The following TSFM variants were observed in gnomAD, a reference collection of about 807,000 sequenced individuals.
The protein encoded by TSFM is Ts translation elongation factor, mitochondrial, also known as elongation factor Ts, mitochondrial.
In TSFM, 29 loss-of-function variants were observed where a neutral mutation model predicts 33.4. That is an observed-to-expected ratio of 0.87 (90% CI 0.65 to 1.18). The LOEUF (loss-of-function observed/expected upper bound fraction) is 1.18, where lower values mean the gene tolerates loss of function less well. TSFM is among the 50% of genes most tolerant of loss of function. TSFM has a pLI of 0.00. For missense variants in TSFM, 394 were observed against 395.6 expected (o/e 1.00, Z 0.04); for synonymous variants, 178 against 163.5 (o/e 1.09, Z -0.68).
chr12:57,793,375 A>G (rs1236209120), intron 5 of TSFM, among the ~76,000 whole-genome samples: 1 of 152,144 alleles, frequency 6.6e-6, no homozygotes, highest in Non-Finnish European at 1.5e-5. Flanking sequence ...GGCGCCTGCC[A>G]TCACGCCTGG....
chr12:57,788,401 C>T (rs920337132), intron 4 of TSFM, among the ~76,000 whole-genome samples: 1 of 151,822 alleles, frequency 6.6e-6, no homozygotes. Context: ...ATCAGACTCC[C>T]GAGTAGCTGG....
downstream of TSFM, chr12:57,800,120 C>G (rs747310519): frequency 4.2e-4 from 274 of 657,574 alleles, no homozygotes; most frequent in Non-Finnish European, 6.4e-4. Flanking sequence ...TGGGGTTGTT[C>G]TTGGGAAAGC....
At chr12:57,783,777 TA>T (rs1955549064) in intron 2 of TSFM, 6 of 589,776 alleles carry the variant, frequency 1.0e-5, no homozygotes, top group South Asian at 4.2e-5. Context: ...TTTTATTTTT[TA>T]TTTTTTTTTG....
At position 57,793,052 on chromosome 12, in the gene TSFM, GA is replaced by G. The variant is rs779144962; in HGVS notation, c.551del (p.Asp184ValfsTer5). ...GCCTGACAGAGAAGGCTCACTCAAG[GA>G]TCAGTTGGCTTTAGCAATTGGTGAG... ...AGPDREGSLKDQLALAIGKLG... is the reference protein window; with the variant it reads ...AGPDREGSLKXQLALAIGKLG... On this transcript the variant is annotated frameshift_variant, in exon 5 of 6. Coordinates refer to ENST00000652027, the MANE Select transcript of TSFM (RefSeq NM_005726.6). LOFTEE classifies it high-confidence loss of function. The G allele has an allele frequency of 3.1e-6, 5 of 1,613,580 alleles. No homozygotes were observed. Among genetic ancestry groups the G allele is most frequent in the Non-Finnish European group, 4.2e-6 (5 of 1,179,678 alleles).
At chr12:57,799,716 C>A (rs1275419062), downstream of TSFM, 2 of 1,595,212 alleles carry the variant, frequency 1.3e-6, no homozygotes, top group Non-Finnish European at 1.7e-6. Context: ...CCGGAGCTGT[C>A]CTAGGCCATT....
At chr12:57,791,960 G>A (rs891796048) in intron 4 of TSFM, 6 of 374,310 alleles carry the variant, frequency 1.6e-5, no homozygotes, top group African/African-American at 1.1e-4. Context: ...ATTGTTCTTG[G>A]CCAGGTGCAG....
intron 5 of TSFM, among the ~76,000 whole-genome samples, chr12:57,795,412 A>G (rs1955720847): frequency 6.6e-6 from 1 of 151,684 alleles, no homozygotes; most frequent in Admixed American, 6.6e-5. Flanking sequence ...TTTTACATAT[A>G]TTATTTATTT....
rs144109380 is a variant in TSFM, at chr12:57,787,087, G to A, written c.408G>A (p.Leu136=). ...DFVSRNLKFQ[L]LVQQVALGTM... ...TTTCTAGAAATTTAAAATTTCAACT[G>A]TTGGTCCAGCAAGTAGCCCTTGGAA... The change falls in exon 4 of 6, where the codon CTG becomes CTA. Residue 136 remains leucine (L), a synonymous_variant. Transcript: ENST00000652027. The A allele has an allele frequency of 3.2e-4, 520 of 1,612,392 alleles. No homozygotes were observed. The highest frequency in any genetic ancestry group is 3.9e-4 in the Non-Finnish European group (461 of 1,179,136).
downstream of TSFM, among the ~76,000 whole-genome samples, chr12:57,799,293 C>A (rs941045343): frequency 2.1e-4 from 32 of 152,312 alleles, no homozygotes; most frequent in African/African-American, 7.7e-4. Context: ...TTTTAAGGAA[C>A]AGCAAAGCAG....
At chr12:57,792,679 G>A (rs562451704) in intron 4 of TSFM, among the ~76,000 whole-genome samples, 5 of 151,730 alleles carry the variant, frequency 3.3e-5, no homozygotes, top group South Asian at 2.1e-4. Flanking sequence ...TGCAACCTCC[G>A]CCTCCCAGGT....
chr12:57,789,159 T>A (rs1432263087), intron 4 of TSFM, among the ~76,000 whole-genome samples: 1 of 151,858 alleles, frequency 6.6e-6, no homozygotes, highest in Non-Finnish European at 1.5e-5. Flanking sequence ...AGACGGGAGT[T>A]TCACCATGTT....
rs1309879878 is a variant in TSFM at position 57,796,832 on chromosome 12, G to GCT, written c.*251_*252dup. 3.5e-6 allele frequency: 4 copies of GCT among 1,146,212 alleles called. No homozygotes were observed. The African/African-American group carries it at 6.4e-5, about 18-fold the overall frequency. 71.0% of individuals were successfully genotyped at this position (1,146,212 alleles called of 1,614,324 possible). A position where few individuals can be genotyped will look rare whatever the true frequency, so the allele number is the denominator to read the frequency against. On this transcript the variant is annotated 3_prime_UTR_variant, in exon 6 of 6. Coordinates refer to ENST00000652027, the MANE Select transcript of TSFM (RefSeq NM_005726.6). The stretch of plus-strand genomic sequence containing the variant: ...GAGAACAGGCATCAACAATACTGCT[G>GCT]CTCCCTTCAACATAGATTTATTATG...
downstream of TSFM, chr12:57,801,439 T>G (rs921425432): frequency 3.7e-5 from 14 of 376,172 alleles, no homozygotes; most frequent in Non-Finnish European, 5.4e-5. Flanking sequence ...CCAATAAGAT[T>G]TAAGAAAGAG....
chr12:57,786,179 A>T lies in TSFM; in HGVS notation c.248A>T (p.His83Leu). 6.2e-7 allele frequency: 1 copy of T among 1,607,168 alleles called. No individual in the cohort carries two copies. The highest frequency in any genetic ancestry group is 8.5e-7 in the Non-Finnish European group (1 of 1,176,456). ...AATTTACAGGCAGAGATCTGGCTCC[A>T]CAAGGAGGCCCAGAAGGAGGGCTGG... ...GDLKQAEIWL[H>L]KEAQKEGWSK... is the part of the protein sequence containing the mutation. Residue 83 changes from histidine to leucine, a missense_variant, in exon 3 of 6, where the codon CAC becomes CTC. Physicochemically the swap from His to Leu is moderately conservative, Grantham distance 99. Transcript: ENST00000652027.
downstream of TSFM, chr12:57,799,801 T>C (rs776111097): frequency 6.2e-7 from 1 of 1,614,016 alleles, no homozygotes; most frequent in Non-Finnish European, 8.5e-7. Flanking sequence ...TCACCTCCTT[T>C]TTGGCAGGGT....
chr12:57,795,190 C>G lies in TSFM; in HGVS notation c.572-987C>G, dbSNP rs1261620117. On this transcript the variant is annotated intron_variant, in intron 5 of 5. Transcript: ENST00000652027. ...TCTCGCTCGCTGTAACCTCTGCTGC[C>G]CAGGTTCAAGCAATTCCTCTGCCTC... 3.3e-5 allele frequency among the ~76,000 whole-genome samples: 5 copies of G among 151,276 alleles called. No homozygotes were observed. In the East Asian group the frequency reaches 7.8e-4, roughly 23 times the overall value.
rs780530732 is a variant in TSFM, at chr12:57,793,081, TTTGTAAAGGTTC to T, written c.571+10_571+21del. ...AGTTGGCTTTAGCAATTGGTGAGTA[TTTGTAAAGGTTC>T]TGGAAACTGGAAATTAGGGACTGGA... On this transcript the variant is annotated intron_variant, in intron 5 of 5. Transcript: ENST00000652027. The T allele has an allele frequency of 6.2e-7, 1 of 1,610,662 alleles. No homozygotes were observed. The highest frequency in any genetic ancestry group is 8.5e-7 in the Non-Finnish European group (1 of 1,177,708).
intron 5 of TSFM, among the ~76,000 whole-genome samples, chr12:57,793,994 A>C (rs1955698442): frequency 6.6e-6 from 1 of 152,202 alleles, no homozygotes; most frequent in Non-Finnish European, 1.5e-5. Context: ...TTTCTTCCTA[A>C]GTATCCTTGA....
At chr12:57,790,653 T>C (rs972330399) in intron 4 of TSFM, among the ~76,000 whole-genome samples, 2 of 151,950 alleles carry the variant, frequency 1.3e-5, no homozygotes, top group Non-Finnish European at 2.9e-5. Flanking sequence ...TGACTCCGTT[T>C]AGTTATTTGG....
Sources: gnomAD v4.1 joint callset for allele counts (sites outside exome capture counted in the v4.1 genomes callset) on GRCh38, gnomAD v4.1.1 for gene constraint, MANE v1.5 for transcripts, NCBI Gene and HGNC (gene_info 2026-07-23, HGNC 2026-07-21) for gene names.